The following TMEM202 variants were observed in gnomAD, a reference collection of about 807,000 sequenced individuals.
TMEM202 encodes the protein transmembrane protein 202.
TMEM202 carries 25 observed loss-of-function variants against 26.1 expected under a neutral mutation model. That is an observed-to-expected ratio of 0.96 (90% confidence interval 0.70 to 1.34). The LOEUF is 1.34. TMEM202 is among the 40% of genes most tolerant of loss of function. The probability of loss-of-function intolerance (pLI) is 0.00; values close to 1 mark genes in which losing one functional copy is unlikely to be tolerated. For synonymous variants in TMEM202, 122 were observed against 119.0 expected, an observed-to-expected ratio of 1.02 and a Z score of -0.16; for missense variants, 301 against 327.7, an observed-to-expected ratio of 0.92 and a Z score of 0.63.
chr15:72,399,852 A>T (rs1285777587), intron 2 of TMEM202, among the ~76,000 whole-genome samples: 1 of 152,228 alleles, frequency 6.6e-6, no homozygotes, highest in Non-Finnish European at 1.5e-5. Flanking sequence ...ATACATTTAC[A>T]CAAAGAAGTG....
At position 72,398,772 on chromosome 15, in the gene TMEM202, C is replaced by T. The variant is rs756849620; in HGVS notation, c.201C>T (p.Ser67=). 1 of 1,614,168 alleles carries T rather than the reference C, an allele frequency of 6.2e-7. No homozygotes were observed. The highest frequency in any genetic ancestry group is 8.5e-7 in the Non-Finnish European group (1 of 1,180,034). Residue 67 remains serine (S), a synonymous_variant, in exon 2 of 5, where the codon AGC becomes AGT. Transcript: ENST00000341689. Reference sequence around the variant, plus strand: ...TCTGTGGCAGCCTCTGTAGTTTTAGCCTCCTAATGCTGATCGCCATGTCCC... The same window carrying T: ...TCTGTGGCAGCCTCTGTAGTTTTAGTCTCCTAATGCTGATCGCCATGTCCC... ...RTLCGSLCSF[S]LLMLIAMSPL... is the part of the protein sequence containing the mutation.
At chr15:72,407,619 A>G in intron 4 of TMEM202, 72 bp from the exon 5 acceptor site, 3 of 1,377,284 alleles carry the variant, frequency 2.2e-6, no homozygotes, top group Non-Finnish European at 3.1e-6. Flanking sequence ...TTATTAAAGG[A>G]TGCATAAGAA....
chr15:72,405,615 A>G (rs2063567173), intron 2 of TMEM202, among the ~76,000 whole-genome samples: 1 of 152,190 alleles, frequency 6.6e-6, no homozygotes, highest in Admixed American at 6.5e-5. Context: ...TCAGAATAAA[A>G]AAAAAGTGGA....
chr15:72,402,659 A>T (rs1286139899), intron 2 of TMEM202, among the ~76,000 whole-genome samples: 1 of 152,202 alleles, frequency 6.6e-6, no homozygotes, highest in East Asian at 1.9e-4. Flanking sequence ...AATATAAAGG[A>T]TATATTGCCA....
At position 72,406,638 on chromosome 15, in the gene TMEM202, C is replaced by T. The variant is rs1162333052; in HGVS notation, c.374C>T (p.Ser125Phe). The T allele has an allele frequency of 6.2e-7, 1 of 1,613,908 alleles. No homozygotes were observed. The highest frequency in any genetic ancestry group is 8.5e-7 in the Non-Finnish European group (1 of 1,179,926). Residue 125 changes from serine to phenylalanine, a missense_variant, in exon 3 of 5, where the codon TCT (serine) becomes TTT (phenylalanine). By Grantham distance (155) the Ser-to-Phe change is radical (BLOSUM62 -2). Transcript: ENST00000341689. Reference protein sequence around the residue: ...LQYSRAFFLISVFTILTGLGW... With the variant: ...LQYSRAFFLIFVFTILTGLGW... ...TATTCCAGGGCCTTCTTTCTCATCT[C>T]TGTCTTTACCATACTTACTGGCCTT... is the stretch of plus-strand genomic sequence containing the variant.
chr15:72,399,496 T>C (rs1169320764), intron 2 of TMEM202, among the ~76,000 whole-genome samples: 3 of 152,210 alleles, frequency 2.0e-5, no homozygotes, highest in Non-Finnish European at 2.9e-5. Context: ...GGTATTCTAA[T>C]GTGGCTTGCA....
At chr15:72,400,581 T>C (rs1660958529) in intron 2 of TMEM202, among the ~76,000 whole-genome samples, 1 of 152,222 alleles carries the variant, frequency 6.6e-6, no homozygotes, top group African/African-American at 2.4e-5. Context: ...GTGCCCAGGC[T>C]AAAATTTCAT....
In TMEM202 at chr15:72,407,148, G is replaced by A. The variant is rs199977858; in HGVS notation, c.550G>A (p.Ala184Thr). ...ACAGGTTCACTGGCATACTAGGGAT[G>A]CCATGGAGTCAGATCTCCTATGGAC... is the stretch of plus-strand genomic sequence containing the variant. ...VAQVHWHTRD[A>T]MESDLLWTYY... The change falls in exon 4 of 5, where the codon GCC becomes ACC. Residue 184 changes from alanine to threonine, a missense_variant. Physicochemically the swap from Ala to Thr is moderately conservative, Grantham distance 58. Transcript: ENST00000341689. 1.3e-5 allele frequency: 21 copies of A among 1,613,282 alleles called. No individual in the cohort carries two copies. The highest frequency in any genetic ancestry group is 3.4e-6 in the Non-Finnish European group (4 of 1,179,786).
chr15:72,401,673 C>T (rs998152355), intron 2 of TMEM202, among the ~76,000 whole-genome samples: 7 of 152,230 alleles, frequency 4.6e-5, no homozygotes, highest in Non-Finnish European at 1.0e-4. Context: ...GCCAGCCTGT[C>T]ACTCAGATTT....
intron 2 of TMEM202, among the ~76,000 whole-genome samples, chr15:72,405,611 T>TA (rs200591806): frequency 1.7e-4 from 26 of 150,706 alleles, no homozygotes; most frequent in Admixed American, 3.3e-4. Context: ...ACTCTCAGAA[T>TA]AAAAAAAAAG....
chr15:72,407,803 A>G lies in TMEM202; in HGVS notation c.732A>G (p.Val244=). 1.2e-6 allele frequency: 2 copies of G among 1,614,044 alleles called. No homozygotes were observed. The highest frequency in any genetic ancestry group is 1.7e-6 in the Non-Finnish European group (2 of 1,180,006). Residue 244 remains valine, a synonymous_variant, in exon 5 of 5, where the codon GTA becomes GTG. Coordinates refer to ENST00000341689, the MANE Select transcript of TMEM202 (RefSeq NM_001080462.3). ...TGGGGGTTGGTCCGGTGACTACAGT[A>G]TCACCTGCTAAAGATGAAGGGCCAA... ...SRLGVGPVTT[V]SPAKDEGPRS... is the part of the protein sequence containing the mutation.
chr15:72,398,521 T>A, intron 1 of TMEM202, 114 bp downstream of exon 1: 1 of 1,430,386 alleles, frequency 7.0e-7, no homozygotes, highest in Non-Finnish European at 9.4e-7. Context: ...GTGGGGTTTT[T>A]TTTTTTTAGG....
rs778171281 is a variant in TMEM202 at position 72,398,313 on chromosome 15, A to T, written c.-14A>T. On this transcript the variant is annotated 5_prime_UTR_variant, in exon 1 of 5. Coordinates refer to ENST00000341689, the MANE Select transcript of TMEM202 (RefSeq NM_001080462.3). The stretch of plus-strand genomic sequence containing the variant: ...GAGACAAATTCCGTGGCAGTTAGAG[A>T]ACTAACTGCCAAGATGGAGCGAAGG... 6.2e-7 allele frequency: 1 copy of T among 1,606,526 alleles called. No individual in the cohort carries two copies. The highest frequency in any genetic ancestry group is 1.1e-5 in the South Asian group (1 of 89,742).
At chr15:72,400,280 C>T (rs748298293) in intron 2 of TMEM202, among the ~76,000 whole-genome samples, 2 of 152,156 alleles carry the variant, frequency 1.3e-5, no homozygotes, top group African/African-American at 4.8e-5. Context: ...TAACCTCAAT[C>T]ATTAAAGAAA....
Position 72,398,319 on chromosome 15 carries a change from C to G in TMEM202, c.-8C>G. On this transcript the variant is annotated 5_prime_UTR_variant, in exon 1 of 5. Transcript: ENST00000341689. ...AATTCCGTGGCAGTTAGAGAACTAA[C>G]TGCCAAGATGGAGCGAAGGGAACAT... The G allele has an allele frequency of 6.2e-7, 1 of 1,609,310 alleles. No individual in the cohort carries two copies. The highest frequency in any genetic ancestry group is 8.5e-7 in the Non-Finnish European group (1 of 1,178,356).
At chr15:72,398,569 A>G in intron 1 of TMEM202, 84 bp from the exon 2 acceptor site, 3 of 1,534,156 alleles carry the variant, frequency 2.0e-6, no homozygotes, top group South Asian at 1.2e-5. Context: ...CACACATGGG[A>G]ATGCTTGAGG....
rs533673167 is a variant in TMEM202, at chr15:72,407,608, G to A, written c.620-83G>A. 7.0e-6 allele frequency: 9 copies of A among 1,285,258 alleles called. No homozygotes were observed. The Admixed American group carries it at 1.2e-4, about 18-fold the overall frequency. The allele number at this position is 1,285,258 out of a possible 1,614,324, so 79.6% of individuals were successfully genotyped here. A position where few individuals can be genotyped will look rare whatever the true frequency, so the allele number is the denominator to read the frequency against. ...CACTGAAAAGATGCCTCTTGAACTG[G>A]TTATTAAAGGATGCATAAGAATTTT... is the stretch of plus-strand genomic sequence containing the variant. On this transcript the variant is annotated intron_variant, in intron 4 of 4. Coordinates refer to ENST00000341689, the MANE Select transcript of TMEM202 (RefSeq NM_001080462.3).
intron 2 of TMEM202, among the ~76,000 whole-genome samples, chr15:72,402,809 T>C (rs2063553990): frequency 6.6e-6 from 1 of 152,026 alleles, no homozygotes; most frequent in African/African-American, 2.4e-5. Flanking sequence ...GATGCTTTAT[T>C]CTGGCACTCC....
intron 2 of TMEM202, among the ~76,000 whole-genome samples, chr15:72,401,086 T>G (rs9806258): frequency 0.027 from 4,086 of 152,280 alleles, 169 homozygotes; most frequent in African/African-American, 0.073. Flanking sequence ...TTTGTTGCCA[T>G]CTTGGTTTTA....
Sources: allele counts gnomAD v4.1 joint callset (sites outside exome capture counted in the v4.1 genomes callset), GRCh38; gene constraint gnomAD v4.1.1; transcripts MANE v1.5; gene names NCBI Gene and HGNC (gene_info 2026-07-23, HGNC 2026-07-21).